The following AUTS2 variants were observed in gnomAD, a reference collection of about 807,000 sequenced individuals.
AUTS2 encodes the protein autism susceptibility gene 2 protein.
In AUTS2, 17 loss-of-function variants were observed where a neutral mutation model predicts 112.4. The ratio of observed to expected loss-of-function variants is 0.15; its 90% CI spans 0.10 to 0.23. The LOEUF (loss-of-function observed/expected upper bound fraction) is 0.23. AUTS2 is among the 10% of genes least tolerant of loss of function. The pLI is 1.00. For synonymous variants in AUTS2, 751 were observed against 702.7 expected, an observed-to-expected ratio of 1.07 and a Z score of -1.09; for missense variants, 1,510 against 1,701.6, an observed-to-expected ratio of 0.89 and a Z score of 1.98.
At chr7:69,878,890 A>C (rs745605980) in intron 1 of AUTS2, among the ~76,000 whole-genome samples, 120 of 152,112 alleles carry the variant, frequency 7.9e-4, no homozygotes, top group Non-Finnish European at 1.4e-3. Flanking sequence ...GCTATTGAAA[A>C]GAGTAGAAAG....
chr7:69,667,670 T>C (rs1796128811), intron 1 of AUTS2, among the ~76,000 whole-genome samples: 1 of 152,182 alleles, frequency 6.6e-6, no homozygotes, highest in Non-Finnish European at 1.5e-5. Flanking sequence ...ATCAAGATTT[T>C]GACAGTGGGG....
At chr7:70,406,233 C>A (rs1794528006) in intron 4 of AUTS2, among the ~76,000 whole-genome samples, 1 of 152,194 alleles carries the variant, frequency 6.6e-6, no homozygotes, top group African/African-American at 2.4e-5. Flanking sequence ...TCCCTCCCTC[C>A]TCTCAGAGGA....
intron 4 of AUTS2, among the ~76,000 whole-genome samples, chr7:70,147,360 T>A (rs1377437403): frequency 6.6e-6 from 1 of 152,122 alleles, no homozygotes; most frequent in Non-Finnish European, 1.5e-5. Flanking sequence ...CAGTTATAGA[T>A]GAGGAATATT....
intron 1 of AUTS2, among the ~76,000 whole-genome samples, chr7:69,617,005 A>G (rs1221262948): frequency 3.9e-5 from 6 of 152,308 alleles, no homozygotes; most frequent in African/African-American, 1.4e-4. Context: ...GAAAAAATAG[A>G]TATCTATTTT....
intron 6 of AUTS2, among the ~76,000 whole-genome samples, chr7:70,714,913 T>TG (rs1810271000): frequency 6.6e-6 from 1 of 152,248 alleles, no homozygotes; most frequent in Non-Finnish European, 1.5e-5. Context: ...AAGTTTAGGT[T>TG]GTGGCAACCT....
chr7:70,046,268 G>C (rs1801499100), intron 2 of AUTS2, among the ~76,000 whole-genome samples: 1 of 152,226 alleles, frequency 6.6e-6, no homozygotes, highest in East Asian at 1.9e-4. Flanking sequence ...GTTGTTTACT[G>C]TCTGTATAAT....
intron 1 of AUTS2, among the ~76,000 whole-genome samples, chr7:69,645,018 C>T (rs1235809933): frequency 6.6e-6 from 1 of 151,914 alleles, no homozygotes; most frequent in African/African-American, 2.4e-5. Flanking sequence ...AAGTGATCCT[C>T]CTGCCTCAGC....
intron 6 of AUTS2, among the ~76,000 whole-genome samples, chr7:70,744,476 A>G (rs1788315072): frequency 6.6e-6 from 1 of 152,152 alleles, no homozygotes; most frequent in African/African-American, 2.4e-5. Flanking sequence ...GTTCTGCTTT[A>G]GTCAGGACTA....
chr7:70,372,958 G>A (rs1344123328), intron 4 of AUTS2, among the ~76,000 whole-genome samples: 1 of 152,058 alleles, frequency 6.6e-6, no homozygotes, highest in African/African-American at 2.4e-5. Context: ...AAGTTGTAGT[G>A]CATATTGTTA....
At chr7:70,773,133 T>G (rs1188084853) in intron 11 of AUTS2, among the ~76,000 whole-genome samples, 2 of 152,234 alleles carry the variant, frequency 1.3e-5, no homozygotes, top group Admixed American at 1.3e-4. Context: ...AATTGTTAGT[T>G]GTACTGCAGC....
At chr7:69,632,563 T>G in intron 1 of AUTS2, among the ~76,000 whole-genome samples, 1 of 100,662 alleles carries the variant, frequency 9.9e-6, no homozygotes, top group Admixed American at 1.2e-4. Context: ...CTCCTCTCCC[T>G]CCCCCTCTCC....
At chr7:70,221,406 T>A (rs1026657873) in intron 4 of AUTS2, among the ~76,000 whole-genome samples, 1 of 152,242 alleles carries the variant, frequency 6.6e-6, no homozygotes, top group East Asian at 1.9e-4. Flanking sequence ...CAACATTAAA[T>A]GTACATTCTC....
chr7:70,408,784 C>T (rs1489372711), intron 4 of AUTS2, among the ~76,000 whole-genome samples: 1 of 152,162 alleles, frequency 6.6e-6, no homozygotes, highest in Non-Finnish European at 1.5e-5. Context: ...CTTCCACACA[C>T]CTTGCTGTGG....
chr7:70,756,336 G>GGA (rs1340887924), intron 6 of AUTS2, among the ~76,000 whole-genome samples: 2 of 152,098 alleles, frequency 1.3e-5, no homozygotes, highest in Non-Finnish European at 2.9e-5. Context: ...AACCACCCTA[G>GGA]GAGGTTGTTA....
chr7:69,748,741 A>G (rs1787615301), intron 1 of AUTS2, among the ~76,000 whole-genome samples: 1 of 152,162 alleles, frequency 6.6e-6, no homozygotes, highest in Non-Finnish European at 1.5e-5. Context: ...GTATGTAGTG[A>G]CTCAGGTTCT....
chr7:69,879,409 C>G (rs1487926841), intron 1 of AUTS2, among the ~76,000 whole-genome samples: 14 of 152,070 alleles, frequency 9.2e-5, no homozygotes, highest in Admixed American at 2.6e-4. Flanking sequence ...CTCAGCCTCC[C>G]AAAGTGGTGG....
intron 3 of AUTS2, 106 bp from the exon 4 acceptor site, chr7:70,134,430 A>T (rs1415661672): frequency 5.8e-6 from 5 of 862,524 alleles, no homozygotes; most frequent in Non-Finnish European, 7.9e-6. Flanking sequence ...TGGTGATGTG[A>T]TGTGGTGATG....
intron 5 of AUTS2, among the ~76,000 whole-genome samples, chr7:70,667,225 A>G (rs1265997070): frequency 6.6e-6 from 1 of 152,196 alleles, no homozygotes; most frequent in Non-Finnish European, 1.5e-5. Flanking sequence ...TAGCATTTAA[A>G]AGTAAAACAT....
intron 6 of AUTS2, among the ~76,000 whole-genome samples, chr7:70,753,952 C>T (rs1258348866): frequency 1.3e-5 from 2 of 150,722 alleles, no homozygotes; most frequent in East Asian, 3.9e-4. Flanking sequence ...GTCAGGAGAT[C>T]GAGACCATCC....
Sources: gnomAD v4.1 joint callset for allele counts (sites outside exome capture counted in the v4.1 genomes callset) on GRCh38, gnomAD v4.1.1 for gene constraint, MANE v1.5 for transcripts, NCBI Gene and HGNC (gene_info 2026-07-23, HGNC 2026-07-21) for gene names.